The following UTRN variants were observed in gnomAD, a reference collection of about 807,000 sequenced individuals.
The protein encoded by UTRN is dystrophin-related protein 1.
In UTRN, 283 loss-of-function variants were observed where a neutral mutation model predicts 463.9. The observed-to-expected ratio is 0.61, with a 90% CI of 0.55 to 0.67. The LOEUF is 0.67. Ranked by LOEUF, UTRN falls within the 30% of genes least tolerant of loss-of-function variation. The probability of loss-of-function intolerance (pLI) is 0.00; values close to 1 mark genes in which losing one functional copy is unlikely to be tolerated. For missense variants in UTRN, 3,922 were observed against 4,084.3 expected (o/e 0.96, Z 1.08); for synonymous variants, 1,442 against 1,431.5 (o/e 1.01, Z -0.17).
intron 58 of UTRN, among the ~76,000 whole-genome samples, chr6:144,770,175 A>T (rs1793848244): frequency 1.3e-5 from 2 of 152,188 alleles, no homozygotes; most frequent in South Asian, 4.1e-4. Flanking sequence ...TTCACATTGT[A>T]GTTACATTAT....
At position 144,577,230 on chromosome 6, in the gene UTRN, A is replaced by T. The variant is rs1175687279; in HGVS notation, c.7421A>T (p.His2474Leu). 2 of 1,613,862 alleles carry T rather than the reference A, an allele frequency of 1.2e-6. No individual in the cohort carries two copies. The highest frequency in any genetic ancestry group is 1.7e-6 in the Non-Finnish European group (2 of 1,179,924). ...TTVNVLVDAS[H>L]RENALQDSIL... ...GTGAATGTGCTTGTGGATGCCTCTC[A>T]TCGGGAGAATGCTCTTCAGGATAGT... Residue 2474 changes from histidine (H) to leucine (L), a missense_variant, in exon 51 of 75, where the codon CAT (histidine) becomes CTT (leucine). This residue lies in a region of UTRN where 1,309 missense variants were observed against 1,452.6 expected (regional missense o/e 0.90). Coordinates refer to ENST00000367545, the MANE Select transcript of UTRN (RefSeq NM_007124.3).
At chr6:144,555,470 C>T (rs1799293682) in intron 49 of UTRN, among the ~76,000 whole-genome samples, 1 of 152,146 alleles carries the variant, frequency 6.6e-6, no homozygotes, top group East Asian at 1.9e-4. Context: ...TCTCACTCTG[C>T]CGCCCAGGCT....
intron 53 of UTRN, among the ~76,000 whole-genome samples, chr6:144,727,046 A>G (rs1322171874): frequency 6.6e-6 from 1 of 152,246 alleles, no homozygotes; most frequent in African/African-American, 2.4e-5. Context: ...TTAATAGTCT[A>G]GAATTCCTAA....
intron 53 of UTRN, among the ~76,000 whole-genome samples, chr6:144,703,505 A>G (rs1375181516): frequency 6.6e-6 from 1 of 152,174 alleles, no homozygotes; most frequent in East Asian, 1.9e-4. Flanking sequence ...ATTCTAAGAA[A>G]TGAGCCCTGA....
At chr6:144,655,219 T>C (rs1237124788) in intron 51 of UTRN, among the ~76,000 whole-genome samples, 1 of 152,238 alleles carries the variant, frequency 6.6e-6, no homozygotes, top group Non-Finnish European at 1.5e-5. Flanking sequence ...CTTTTTGCCC[T>C]TTAGGGCTGT....
intron 65 of UTRN, among the ~76,000 whole-genome samples, chr6:144,804,662 G>A (rs755488148): frequency 6.6e-6 from 1 of 150,600 alleles, no homozygotes; most frequent in Non-Finnish European, 1.5e-5. Context: ...TCTGTGAGCT[G>A]GCAATTGTCA....
At chr6:144,832,729 T>G (rs1780771122) in intron 69 of UTRN, among the ~76,000 whole-genome samples, 1 of 152,208 alleles carries the variant, frequency 6.6e-6, no homozygotes, top group African/African-American at 2.4e-5. Flanking sequence ...GTTCTTATTT[T>G]AAGTCTTTTC....
intron 2 of UTRN, among the ~76,000 whole-genome samples, chr6:144,393,363 T>G (rs1035122870): frequency 6.6e-6 from 1 of 152,246 alleles, no homozygotes; most frequent in Non-Finnish European, 1.5e-5. Flanking sequence ...TGGAAATTCT[T>G]TTGGAAGTTC....
At chr6:144,587,777 T>C (rs1802612070) in intron 51 of UTRN, among the ~76,000 whole-genome samples, 1 of 152,276 alleles carries the variant, frequency 6.6e-6, no homozygotes, top group South Asian at 2.1e-4. Flanking sequence ...GTGTGTATTT[T>C]AAGGTCAACT....
intron 52 of UTRN, among the ~76,000 whole-genome samples, chr6:144,684,348 C>T (rs1782528658): frequency 6.6e-6 from 1 of 152,302 alleles, no homozygotes; most frequent in African/African-American, 2.4e-5. Context: ...CCACGCCCAG[C>T]CCCATTTACC....
chr6:144,657,250 CAAAAAAAA>C (rs11400052), intron 51 of UTRN, among the ~76,000 whole-genome samples: 40 of 68,868 alleles, frequency 5.8e-4, no homozygotes, highest in African/African-American at 1.8e-3. Context: ...AACTCCATCT[CAAAAAAAA>C]AAAAAAAAAA....
chr6:144,620,378 A>G (rs766641921), intron 51 of UTRN, among the ~76,000 whole-genome samples: 53 of 152,158 alleles, frequency 3.5e-4, no homozygotes, highest in Middle Eastern at 3.4e-3. Flanking sequence ...CTCCTGTTCT[A>G]ATAAAGGCTC....
At chr6:144,317,302 T>G (rs1369552932) in intron 2 of UTRN, among the ~76,000 whole-genome samples, 1 of 152,186 alleles carries the variant, frequency 6.6e-6, no homozygotes, top group African/African-American at 2.4e-5. Context: ...CCAGTTACAG[T>G]ACAGAAAATC....
At chr6:144,374,151 T>C (rs6917034) in intron 2 of UTRN, among the ~76,000 whole-genome samples, 25,659 of 152,210 alleles carry the variant, frequency 0.17, 4,461 homozygotes, top group African/African-American at 0.44. Context: ...GATAACGCTA[T>C]GGAATGCCTC....
intron 23 of UTRN, among the ~76,000 whole-genome samples, chr6:144,466,920 C>T (rs918739369): frequency 5.9e-5 from 9 of 152,334 alleles, no homozygotes; most frequent in South Asian, 4.1e-4. Flanking sequence ...GGCTCTCATG[C>T]AATCTCTTTC....
intron 53 of UTRN, among the ~76,000 whole-genome samples, chr6:144,724,563 C>A (rs976922199): frequency 3.9e-5 from 6 of 152,020 alleles, no homozygotes; most frequent in African/African-American, 1.4e-4. Context: ...ACATCCATAC[C>A]CATAAGCAGT....
chr6:144,307,239 C>T (rs1365431231), intron 2 of UTRN, among the ~76,000 whole-genome samples: 1 of 152,032 alleles, frequency 6.6e-6, no homozygotes, highest in Non-Finnish European at 1.5e-5. Flanking sequence ...TAGTTGATGC[C>T]GCAGTTGTTG....
intron 57 of UTRN, among the ~76,000 whole-genome samples, chr6:144,756,631 A>G (rs1431847311): frequency 6.6e-6 from 1 of 152,160 alleles, no homozygotes; most frequent in Non-Finnish European, 1.5e-5. Context: ...AAACTGACCT[A>G]TTAGCCTGGT....
At chr6:144,697,019 A>G (rs1366496632) in intron 52 of UTRN, among the ~76,000 whole-genome samples, 1 of 152,084 alleles carries the variant, frequency 6.6e-6, no homozygotes, top group Non-Finnish European at 1.5e-5. Flanking sequence ...ATGGGTCTTT[A>G]CCTTCTAACA....
Sources: gnomAD v4.1 joint callset for allele counts (sites outside exome capture counted in the v4.1 genomes callset) on GRCh38, gnomAD v4.1.1 for gene constraint, gnomAD v4.1.1 regional missense constraint, MANE v1.5 for transcripts, NCBI Gene and HGNC (gene_info 2026-07-23, HGNC 2026-07-21) for gene names.